Variants in NRG3 observed in about 807,000 individuals in gnomAD.
NRG3 encodes pro-neuregulin-3, membrane-bound isoform.
NRG3 carries 31 observed loss-of-function variants against 66.9 expected under a neutral mutation model. That is an observed-to-expected ratio of 0.46 (90% CI 0.35 to 0.63). The LOEUF (loss-of-function observed/expected upper bound fraction) is 0.63, where lower values mean the gene tolerates loss of function less well. Ranked by LOEUF, NRG3 falls within the 20% of genes least tolerant of loss-of-function variation. NRG3 has a pLI of 0.00. For missense variants in NRG3, 910 were observed against 878.9 expected (o/e 1.04, Z -0.45); for synonymous variants, 393 against 359.4 (o/e 1.09, Z -1.06).
Position 82,331,060 on chromosome 10 carries a change from C to T in NRG3, c.824-27679C>T, listed in dbSNP as rs542305937. 2.0e-5 allele frequency among the ~76,000 whole-genome samples: 3 copies of T among 152,286 alleles called. No individual in the cohort carries two copies. The South Asian group carries it at 6.2e-4, about 32-fold the overall frequency. On this transcript the variant is annotated intron_variant, in intron 1 of 8. Transcript: ENST00000372141. ...TCATCTGTATTCTACGGCATGAAAA[C>T]TAGGCCCACACTATTTACTACTGAC...
At chr10:82,200,616 C>A (rs1441111328) in intron 1 of NRG3, among the ~76,000 whole-genome samples, 1 of 152,108 alleles carries the variant, frequency 6.6e-6, no homozygotes, top group African/African-American at 2.4e-5. Flanking sequence ...ATCTTTACAA[C>A]AAACCTATGA....
intron 1 of NRG3, among the ~76,000 whole-genome samples, chr10:81,918,610 T>C (rs1359699901): frequency 6.6e-6 from 1 of 152,212 alleles, no homozygotes; most frequent in Non-Finnish European, 1.5e-5. Context: ...AATGCCTTAT[T>C]TGCATGTGTA....
chr10:82,741,492 C>G (rs747037095), intron 3 of NRG3, among the ~76,000 whole-genome samples: 3 of 152,136 alleles, frequency 2.0e-5, no homozygotes, highest in Non-Finnish European at 4.4e-5. Context: ...TAATGTCAGC[C>G]CACTTCCCTT....
chr10:82,837,532 A>G (rs2062841325), intron 3 of NRG3, among the ~76,000 whole-genome samples: 3 of 152,162 alleles, frequency 2.0e-5, no homozygotes, highest in South Asian at 4.1e-4. Context: ...AGAAGACGAA[A>G]AAATAAAGGG....
chr10:82,280,093 C>T (rs2079053957), intron 1 of NRG3, among the ~76,000 whole-genome samples: 2 of 152,026 alleles, frequency 1.3e-5, no homozygotes, highest in Non-Finnish European at 2.9e-5. Flanking sequence ...CTAATTAAAA[C>T]AGGGTGTATG....
chr10:82,006,480 TTC>T (rs1156644572), intron 1 of NRG3, among the ~76,000 whole-genome samples: 1 of 152,164 alleles, frequency 6.6e-6, no homozygotes, highest in African/African-American at 2.4e-5. Context: ...ATGTTTATTT[TTC>T]TTTTATGCTT....
intron 2 of NRG3, among the ~76,000 whole-genome samples, chr10:82,731,289 C>T (rs1449766199): frequency 6.6e-6 from 1 of 150,610 alleles, no homozygotes; most frequent in Non-Finnish European, 1.5e-5. Flanking sequence ...ATTGCTTGAG[C>T]CTGGGAGGTG....
chr10:81,914,984 A>G (rs1244162841), intron 1 of NRG3, among the ~76,000 whole-genome samples: 4 of 152,160 alleles, frequency 2.6e-5, no homozygotes, highest in Admixed American at 6.5e-5. Flanking sequence ...TATTTAAGTT[A>G]TGATTCATTA....
chr10:82,209,586 A>G (rs1476607745), intron 1 of NRG3, among the ~76,000 whole-genome samples: 1 of 152,190 alleles, frequency 6.6e-6, no homozygotes, highest in Non-Finnish European at 1.5e-5. Flanking sequence ...CTCTAACAGC[A>G]CAAGATGAGG....
chr10:82,132,472 T>TAAAAG (rs1287115257), intron 1 of NRG3, among the ~76,000 whole-genome samples: 1 of 96,102 alleles, frequency 1.0e-5, no homozygotes, highest in Admixed American at 1.3e-4. Context: ...ATATATGATA[T>TAAAAG]ATATATGATA....
chr10:82,392,911 T>C (rs2135976125), intron 2 of NRG3, among the ~76,000 whole-genome samples: 1 of 146,276 alleles, frequency 6.8e-6, no homozygotes, highest in African/African-American at 2.6e-5. Flanking sequence ...TTTTGCAGGC[T>C]TCATATGATT....
At chr10:82,352,897 T>G (rs1441543165) in intron 1 of NRG3, among the ~76,000 whole-genome samples, 1 of 152,010 alleles carries the variant, frequency 6.6e-6, no homozygotes, top group Non-Finnish European at 1.5e-5. Flanking sequence ...TTTTTTTTTT[T>G]TTGCATATAT....
intron 2 of NRG3, among the ~76,000 whole-genome samples, chr10:82,623,161 C>T (rs577953959): frequency 3.4e-4 from 52 of 152,212 alleles, no homozygotes; most frequent in African/African-American, 1.2e-3. Context: ...TTTCTCTTTG[C>T]TCTCTTTTAG....
At chr10:81,911,525 A>ACAG (rs1167417179) in intron 1 of NRG3, among the ~76,000 whole-genome samples, 1 of 151,024 alleles carries the variant, frequency 6.6e-6, no homozygotes, top group Non-Finnish European at 1.5e-5. Context: ...CGAAAAAGGT[A>ACAG]CAGCAGGTCA....
At chr10:82,662,265 G>A (rs2052424279) in intron 2 of NRG3, among the ~76,000 whole-genome samples, 1 of 152,084 alleles carries the variant, frequency 6.6e-6, no homozygotes, top group African/African-American at 2.4e-5. Context: ...GGCAAGAAGT[G>A]CCCTGCAGGC....
chr10:82,802,963 G>A (rs991445348), intron 3 of NRG3, among the ~76,000 whole-genome samples: 8 of 152,178 alleles, frequency 5.3e-5, no homozygotes, highest in African/African-American at 9.6e-5. Context: ...TGTAAACATC[G>A]CACCCAGCCT....
At chr10:82,004,388 G>C (rs2061301944) in intron 1 of NRG3, among the ~76,000 whole-genome samples, 1 of 152,146 alleles carries the variant, frequency 6.6e-6, no homozygotes, top group African/African-American at 2.4e-5. Flanking sequence ...ACACAAGAGA[G>C]TGGGAAAACC....
intron 1 of NRG3, among the ~76,000 whole-genome samples, chr10:82,109,310 G>A (rs1479351982): frequency 2.0e-5 from 3 of 152,080 alleles, no homozygotes; most frequent in African/African-American, 4.8e-5. Flanking sequence ...AAAGCCAAAC[G>A]GGACAATCAT....
chr10:82,451,024 T>C (rs6584738), intron 2 of NRG3, among the ~76,000 whole-genome samples: 64,023 of 151,968 alleles, frequency 0.42, 16,294 homozygotes, highest in African/African-American at 0.71. Context: ...TACTGAAGAG[T>C]TGCTTCTTCC....
Sources: gnomAD v4.1 joint callset for allele counts (sites outside exome capture counted in the v4.1 genomes callset) on GRCh38, gnomAD v4.1.1 for gene constraint, MANE v1.5 for transcripts, NCBI Gene and HGNC (gene_info 2026-07-23, HGNC 2026-07-21) for gene names.